ANKS1B: variants seen among roughly 807,000 people sequenced by gnomAD.
The protein encoded by ANKS1B is ankyrin repeat and sterile alpha motif domain containing 1B.
ANKS1B carries 36 observed loss-of-function variants against 148.3 expected under a neutral mutation model. That is an observed-to-expected ratio of 0.24 (90% CI 0.19 to 0.32). The LOEUF is 0.32. Among genes scored for constraint, ANKS1B ranks in the 10% least tolerant of loss-of-function variants. The pLI is 1.00. For synonymous variants in ANKS1B, 542 were observed against 560.8 expected (o/e 0.97, Z 0.47); for missense variants, 1,157 against 1,542.6 (o/e 0.75, Z 4.19).
chr12:99,058,719 C>CTTTT lies in ANKS1B; in HGVS notation c.2626-5414_2626-5411dup, dbSNP rs869064302. On this transcript the variant is annotated intron_variant, in intron 16 of 26. Transcript: ENST00000683438. ...TTCTCCTAATGAAATTCTATCTATC[C>CTTTT]TTTTTTTTTTTTTTTTTTTTTTTTT... 1.2e-4 allele frequency among the ~76,000 whole-genome samples: 10 copies of CTTTT among 80,686 alleles called. 2 individuals carry two copies. The highest frequency in any genetic ancestry group is 1.9e-4 in the Non-Finnish European group (8 of 42,360). 52.9% of individuals were successfully genotyped at this position (80,686 alleles called of 152,430 possible).
At chr12:99,252,682 C>G (rs1276026158) in intron 12 of ANKS1B, among the ~76,000 whole-genome samples, 1 of 152,126 alleles carries the variant, frequency 6.6e-6, no homozygotes, top group Non-Finnish European at 1.5e-5. Context: ...ACTGATTTCC[C>G]AAAGGAGAGG....
intron 14 of ANKS1B, among the ~76,000 whole-genome samples, chr12:99,198,589 T>A (rs1033678813): frequency 6.6e-6 from 1 of 152,212 alleles, no homozygotes; most frequent in Non-Finnish European, 1.5e-5. Flanking sequence ...ACTGAACTGA[T>A]AAATTTGGGA....
At chr12:99,383,505 T>C (rs1566996653) in intron 12 of ANKS1B, among the ~76,000 whole-genome samples, 1 of 152,210 alleles carries the variant, frequency 6.6e-6, no homozygotes, top group Non-Finnish European at 1.5e-5. Flanking sequence ...CATATCATGT[T>C]CTCACTTATA....
chr12:99,068,389 T>C (rs1335046168), intron 16 of ANKS1B, among the ~76,000 whole-genome samples: 1 of 152,178 alleles, frequency 6.6e-6, no homozygotes, highest in East Asian at 1.9e-4. Context: ...GTTACTGTAC[T>C]GAAAACTGTA....
intron 10 of ANKS1B, among the ~76,000 whole-genome samples, chr12:99,498,492 A>G (rs2096625350): frequency 6.6e-6 from 1 of 152,038 alleles, no homozygotes; most frequent in Admixed American, 6.6e-5. Flanking sequence ...AGGCTAGCAA[A>G]TCATGTAGCA....
chr12:99,129,615 C>A (rs1268975671), intron 15 of ANKS1B, among the ~76,000 whole-genome samples: 1 of 152,132 alleles, frequency 6.6e-6, no homozygotes, highest in Non-Finnish European at 1.5e-5. Flanking sequence ...TGCTGAAATT[C>A]AGCATGAAAA....
At chr12:99,214,351 A>G (rs1002385429) in intron 14 of ANKS1B, among the ~76,000 whole-genome samples, 2 of 152,062 alleles carry the variant, frequency 1.3e-5, no homozygotes, top group African/African-American at 4.8e-5. Flanking sequence ...CCCCACCCAA[A>G]TCTCATTTGA....
At chr12:99,455,401 T>C (rs903259910) in intron 10 of ANKS1B, among the ~76,000 whole-genome samples, 18 of 152,282 alleles carry the variant, frequency 1.2e-4, no homozygotes, top group African/African-American at 4.1e-4. Flanking sequence ...CTCCAAGAAC[T>C]ACCATAGGAA....
chr12:98,820,873 T>C (rs572717288), intron 19 of ANKS1B, among the ~76,000 whole-genome samples: 61 of 152,270 alleles, frequency 4.0e-4, no homozygotes, highest in South Asian at 1.0e-3. Context: ...AGAAACAGTT[T>C]TGCAAGATGT....
intron 10 of ANKS1B, among the ~76,000 whole-genome samples, chr12:99,449,215 T>C (rs946125866): frequency 1.3e-5 from 2 of 152,148 alleles, no homozygotes; most frequent in Admixed American, 6.6e-5. Flanking sequence ...TTTGGTTTTT[T>C]AATCTGATAA....
chr12:98,943,622 T>C (rs543116801), intron 17 of ANKS1B, among the ~76,000 whole-genome samples: 1 of 152,316 alleles, frequency 6.6e-6, no homozygotes, highest in East Asian at 1.9e-4. Context: ...ACCATCTCTC[T>C]GGTTCCCTCT....
intron 14 of ANKS1B, among the ~76,000 whole-genome samples, chr12:99,237,320 A>G (rs925893668): frequency 6.6e-6 from 1 of 151,936 alleles, no homozygotes; most frequent in African/African-American, 2.4e-5. Context: ...ATACATATAT[A>G]TGTATATATA....
At chr12:99,600,734 T>A (rs2097793898) in intron 9 of ANKS1B, among the ~76,000 whole-genome samples, 1 of 151,998 alleles carries the variant, frequency 6.6e-6, no homozygotes, top group African/African-American at 2.4e-5. Context: ...TCTAAGCAGG[T>A]TTTCTTAATC....
chr12:99,196,274 G>C (rs1032988487), intron 14 of ANKS1B, among the ~76,000 whole-genome samples: 2 of 152,082 alleles, frequency 1.3e-5, no homozygotes, highest in Non-Finnish European at 2.9e-5. Flanking sequence ...CCATTTAAAG[G>C]ACTCTTGTTA....
At chr12:98,836,915 C>G in intron 17 of ANKS1B, among the ~76,000 whole-genome samples, 1 of 152,178 alleles carries the variant, frequency 6.6e-6, no homozygotes, top group East Asian at 1.9e-4. Context: ...CGTCTATGAA[C>G]AGAGCTTACA....
intron 12 of ANKS1B, among the ~76,000 whole-genome samples, chr12:99,299,314 G>T (rs1253370279): frequency 6.6e-6 from 1 of 152,134 alleles, no homozygotes; most frequent in Non-Finnish European, 1.5e-5. Context: ...TTCTGCCTTA[G>T]CCTCCAAAGC....
intron 10 of ANKS1B, among the ~76,000 whole-genome samples, chr12:99,463,626 C>A (rs1030139284): frequency 2.6e-5 from 4 of 152,210 alleles, no homozygotes; most frequent in Non-Finnish European, 5.9e-5. Context: ...AAACGGTGCA[C>A]CAGGAGATTA....
chr12:99,465,964 C>A (rs1181811297), intron 10 of ANKS1B, among the ~76,000 whole-genome samples: 1 of 152,180 alleles, frequency 6.6e-6, no homozygotes. Flanking sequence ...CTACAGAACT[C>A]TCCACCCCAA....
chr12:99,475,403 GA>G (rs980681522), intron 10 of ANKS1B, among the ~76,000 whole-genome samples: 220 of 151,288 alleles, frequency 1.5e-3, no homozygotes, highest in African/African-American at 4.8e-3. Context: ...ATGGAAATGG[GA>G]AAAAAAATTC....
Sources: allele counts gnomAD v4.1 joint callset (sites outside exome capture counted in the v4.1 genomes callset), GRCh38; gene constraint gnomAD v4.1.1; transcripts MANE v1.5; gene names NCBI Gene and HGNC (gene_info 2026-07-23, HGNC 2026-07-21).